Variants in CDH18 observed in about 807,000 individuals in gnomAD.
The protein encoded by CDH18 is cadherin 18, also known as cadherin-18.
CDH18 carries 31 observed loss-of-function variants against 67.9 expected under a neutral mutation model. The ratio of observed to expected loss-of-function variants is 0.46; its 90% confidence interval spans 0.34 to 0.62. The LOEUF (loss-of-function observed/expected upper bound fraction) is 0.62, where lower values mean the gene tolerates loss of function less well. Ranked by LOEUF, CDH18 falls within the 20% of genes least tolerant of loss-of-function variation. The pLI is 0.01. For missense variants in CDH18, 890 were observed against 975.5 expected, an observed-to-expected ratio of 0.91 and a Z score of 1.17; for synonymous variants, 362 against 347.2, an observed-to-expected ratio of 1.04 and a Z score of -0.48.
intron 2 of CDH18, among the ~76,000 whole-genome samples, chr5:20,071,051 G>A (rs1018677210): frequency 1.1e-4 from 17 of 152,084 alleles, no homozygotes; most frequent in African/African-American, 3.6e-4. Context: ...TTGAGGCTAT[G>A]AAAACATATC....
rs543254005 is a variant in CDH18 at position 20,334,707 on chromosome 5, C to G, written c.-579-79202G>C. Reference sequence around the variant, plus strand: ...TAAAAGAAATTCTCCTAATTCTTCCCAACACATATATGAGTGCTATGATCT... The same window carrying G: ...TAAAAGAAATTCTCCTAATTCTTCCGAACACATATATGAGTGCTATGATCT... On this transcript the variant is annotated intron_variant, in intron 1 of 14. Coordinates refer to the CDH18 transcript ENST00000507958. Among the ~76,000 whole-genome samples, 11 of 150,934 alleles carry G rather than the reference C, an allele frequency of 7.3e-5. 1 individual carries two copies. The South Asian group carries it at 2.3e-3, about 32-fold the overall frequency.
At chr5:19,676,436 G>A (rs1374907153) in intron 5 of CDH18, among the ~76,000 whole-genome samples, 1 of 151,968 alleles carries the variant, frequency 6.6e-6, no homozygotes, top group African/African-American at 2.4e-5. Flanking sequence ...CCCAAATCTA[G>A]GAATGTCAGC....
chr5:20,302,242 C>T (rs1318465860), intron 1 of CDH18, among the ~76,000 whole-genome samples: 3 of 152,130 alleles, frequency 2.0e-5, no homozygotes, highest in South Asian at 2.1e-4. Flanking sequence ...GGCTAAGTTG[C>T]GACAAACTTA....
At chr5:20,549,723 G>T (rs928519362) in intron 1 of CDH18, among the ~76,000 whole-genome samples, 1 of 152,060 alleles carries the variant, frequency 6.6e-6, no homozygotes, top group Non-Finnish European at 1.5e-5. Context: ...GAAATAAACC[G>T]CTATAGTAAT....
Position 20,068,872 on chromosome 5 carries a change from G to T in CDH18, c.-517-76858C>A, listed in dbSNP as rs370813989. Among the ~76,000 whole-genome samples the T allele has an allele frequency of 6.1e-4, 93 of 152,022 alleles. No homozygotes were observed. The South Asian group carries it at 0.017, about 27-fold the overall frequency. The stretch of plus-strand genomic sequence containing the variant: ...CATTAGAAGTATTAGGTTATTGATT[G>T]GATCAGTAACTTGGTCATAAACATG... On this transcript the variant is annotated intron_variant, in intron 2 of 14. Transcript: ENST00000507958.
rs746624156 is a variant in CDH18 at position 19,747,205 on chromosome 5, G to C, written c.260C>G (p.Ser87Cys). ...LHSNSDKGDG[S>C]VKYILTGEGA... ...CTCTCCAGTAAGGATGTACTTGACA[G>C]ATCCATCACCTTTGTCAGAATTGGA... Residue 87 changes from serine (S) to cysteine (C), a missense_variant, in exon 4 of 13, where the codon TCT becomes TGT. Around this residue, in one of 2 missense-constraint regions of CDH18, gnomAD observed 234 missense variants for 307.4 expected, o/e 0.76. Transcript: ENST00000382275. The C allele has an allele frequency of 1.2e-6, 2 of 1,613,798 alleles. No individual in the cohort carries two copies. Among genetic ancestry groups the C allele is most frequent in the East Asian group, 2.2e-5 (1 of 44,870 alleles).
Position 19,471,883 on chromosome 5 carries a change from C to T in CDH18, c.*1343G>A, listed in dbSNP as rs1451768382. Among the ~76,000 whole-genome samples the T allele has an allele frequency of 6.6e-6, 1 of 152,096 alleles. No individual in the cohort carries two copies. The highest frequency in any genetic ancestry group is 1.5e-5 in the Non-Finnish European group (1 of 68,026). On this transcript the variant is annotated 3_prime_UTR_variant, in exon 13 of 13. Coordinates refer to ENST00000382275, the MANE Select transcript of CDH18 (RefSeq NM_004934.5). ...AGAAAATTAGATAAGCGTCTGCAAG[C>T]TTTTATGCAATTGAATACTTTGCAG...
chr5:20,297,973 C>A (rs1747668773), intron 1 of CDH18, among the ~76,000 whole-genome samples: 1 of 152,144 alleles, frequency 6.6e-6, no homozygotes, highest in Non-Finnish European at 1.5e-5. Context: ...TGATAAGTAA[C>A]CGGAAGGCAT....
chr5:19,619,474 AGG>A (rs1327408022), intron 5 of CDH18, among the ~76,000 whole-genome samples: 1 of 152,158 alleles, frequency 6.6e-6, no homozygotes, highest in Non-Finnish European at 1.5e-5. Flanking sequence ...TGGAGAAAGC[AGG>A]GTATTCATGG....
intron 1 of CDH18, among the ~76,000 whole-genome samples, chr5:20,544,915 C>G (rs1308572116): frequency 1.3e-5 from 2 of 152,164 alleles, no homozygotes; most frequent in Admixed American, 1.3e-4. Flanking sequence ...AAGGCAAGTT[C>G]CTTCTGCACA....
chr5:19,630,475 G>GGTGT (rs143309350), intron 5 of CDH18, among the ~76,000 whole-genome samples: 14 of 150,170 alleles, frequency 9.3e-5, no homozygotes, highest in Non-Finnish European at 1.3e-4. Context: ...GATCCATTGG[G>GGTGT]GTGTGTGTGT....
chr5:20,007,881 T>A (rs1737052419), intron 2 of CDH18, among the ~76,000 whole-genome samples: 1 of 152,092 alleles, frequency 6.6e-6, no homozygotes, highest in Non-Finnish European at 1.5e-5. Context: ...TGGAACACAG[T>A]CAGGCCCACT....
intron 1 of CDH18, among the ~76,000 whole-genome samples, chr5:20,408,105 A>G (rs1215623026): frequency 6.6e-6 from 1 of 152,086 alleles, no homozygotes; most frequent in Non-Finnish European, 1.5e-5. Flanking sequence ...AGGGCCTGGG[A>G]TAAATTACTG....
At chr5:20,085,431 T>G (rs1266753097) in intron 2 of CDH18, among the ~76,000 whole-genome samples, 1 of 152,192 alleles carries the variant, frequency 6.6e-6, no homozygotes. Flanking sequence ...CTTTCCTGTC[T>G]TCTACTGAGC....
intron 2 of CDH18, among the ~76,000 whole-genome samples, chr5:20,171,710 C>A (rs946942623): frequency 1.3e-5 from 2 of 151,908 alleles, no homozygotes; most frequent in African/African-American, 4.8e-5. Flanking sequence ...TGCAAAAGCT[C>A]TTAAGTTTAA....
At chr5:19,514,422 C>T (rs1745620902) in intron 10 of CDH18, among the ~76,000 whole-genome samples, 1 of 152,198 alleles carries the variant, frequency 6.6e-6, no homozygotes, top group Admixed American at 6.5e-5. Flanking sequence ...AATCTCCACA[C>T]CGTCTTCCAC....
At chr5:19,717,899 ACCATCAT>A (rs1236416236) in intron 5 of CDH18, among the ~76,000 whole-genome samples, 1 of 151,992 alleles carries the variant, frequency 6.6e-6, no homozygotes, top group African/African-American at 2.4e-5. Flanking sequence ...TTAATGTTAA[ACCATCAT>A]TTTTTAGTGC....
At chr5:19,987,899 T>C (rs1799728172) in intron 1 of CDH18, among the ~76,000 whole-genome samples, 187 bp downstream of exon 1, 2 of 152,144 alleles carry the variant, frequency 1.3e-5, no homozygotes, top group African/African-American at 2.4e-5. Context: ...AAAATTCAAA[T>C]GTATACCAGC....
rs34972691 is a variant in CDH18 at position 19,473,030 on chromosome 5, C to CTTTTTTTTTT, written c.*186_*195dup. The CTTTTTTTTTT allele has an allele frequency of 2.6e-6, 1 of 389,952 alleles. No individual in the cohort carries two copies. The highest frequency in any genetic ancestry group is 4.5e-6 in the Non-Finnish European group (1 of 221,986). The allele number at this position is 389,952 out of a possible 1,614,324, so 24.2% of individuals were successfully genotyped here. A position where few individuals can be genotyped will look rare whatever the true frequency, so the allele number is the denominator to read the frequency against. ...AACAATAACTTTTTCTTTGTATTGT[C>CTTTTTTTTTT]TTTTTTTTTTTTTTTTTACTTTCTT... On this transcript the variant is annotated 3_prime_UTR_variant, in exon 13 of 13. Coordinates refer to ENST00000382275, the MANE Select transcript of CDH18 (RefSeq NM_004934.5).
Sources: allele counts gnomAD v4.1 joint callset (sites outside exome capture counted in the v4.1 genomes callset), GRCh38; gene constraint gnomAD v4.1.1; regional missense constraint gnomAD v4.1.1; transcripts MANE v1.5; gene names NCBI Gene and HGNC (gene_info 2026-07-23, HGNC 2026-07-21).